The following DLGAP4 variants were observed in gnomAD, a reference collection of about 807,000 sequenced individuals.
DLGAP4 encodes DLG associated protein 4.
In DLGAP4, 18 loss-of-function variants were observed where a neutral mutation model predicts 86.9. The observed-to-expected ratio is 0.21, with a 90% confidence interval of 0.14 to 0.31. The LOEUF (loss-of-function observed/expected upper bound fraction) is 0.31, where lower values mean the gene tolerates loss of function less well. DLGAP4 is among the 10% of genes least tolerant of loss of function. DLGAP4 has a pLI of 1.00. For missense variants in DLGAP4, 1,085 were observed against 1,362.6 expected (o/e 0.80, Z 3.21); for synonymous variants, 548 against 574.3 (o/e 0.95, Z 0.65).
At chr20:36,389,344 C>T (rs528806473) in intron 2 of DLGAP4, among the ~76,000 whole-genome samples, 1 of 152,184 alleles carries the variant, frequency 6.6e-6, no homozygotes, top group Non-Finnish European at 1.5e-5. Context: ...CGAGTACCAG[C>T]TCTGGCTGTT....
chr20:36,363,741 A>G (rs1451875395), intron 1 of DLGAP4, among the ~76,000 whole-genome samples: 1 of 152,156 alleles, frequency 6.6e-6, no homozygotes, highest in Non-Finnish European at 1.5e-5. Flanking sequence ...GCTTGGCTGG[A>G]AGGTAATAGA....
At chr20:36,369,945 T>C (rs1030330851) in intron 2 of DLGAP4, among the ~76,000 whole-genome samples, 3 of 152,098 alleles carry the variant, frequency 2.0e-5, no homozygotes, top group Non-Finnish European at 4.4e-5. Context: ...CTTGGAGAGG[T>C]AAAACTACTT....
chr20:36,404,911 G>A (rs1057037264), intron 2 of DLGAP4, among the ~76,000 whole-genome samples: 1 of 152,228 alleles, frequency 6.6e-6, no homozygotes, highest in African/African-American at 2.4e-5. Context: ...AGAGCCTCCT[G>A]GAGGGAGGCA....
chr20:36,445,275 G>A (rs986577449), intron 6 of DLGAP4, among the ~76,000 whole-genome samples: 9 of 152,116 alleles, frequency 5.9e-5, no homozygotes, highest in African/African-American at 2.2e-4. Flanking sequence ...GGAGGCCGAG[G>A]CGGGCAGATC....
Position 36,525,983 on chromosome 20 carries a change from G to A in DLGAP4, c.2737G>A (p.Val913Met). 6.2e-7 allele frequency: 1 copy of A among 1,613,854 alleles called. No individual in the cohort carries two copies. The highest frequency in any genetic ancestry group is 8.5e-7 in the Non-Finnish European group (1 of 1,179,950). ...CCTCAAGGCCAACAGCTGGCAGCTG[G>A]TGGAGACCCCCGAGAAGAGGAAGGT... ...YHLKANSWQL[V>M]ETPEKRKEEK... The change falls in exon 12 of 13, where the codon GTG becomes ATG. Residue 913 changes from valine (V) to methionine (M), a missense_variant. This residue lies in a region of DLGAP4 where 1,082 missense variants were observed against 1,344.1 expected (regional missense o/e 0.81). Transcript: ENST00000339266.
intron 1 of DLGAP4, among the ~76,000 whole-genome samples, chr20:36,354,051 G>A (rs1192450829): frequency 1.3e-5 from 2 of 152,230 alleles, no homozygotes; most frequent in African/African-American, 4.8e-5. Flanking sequence ...GCCAGCAGGG[G>A]TCAGGTGGGG....
At chr20:36,459,210 C>T (rs1743566458) in intron 7 of DLGAP4, among the ~76,000 whole-genome samples, 1 of 152,056 alleles carries the variant, frequency 6.6e-6, no homozygotes, top group African/African-American at 2.4e-5. Context: ...GGGAAGGACC[C>T]AGTACTGGAG....
At chr20:36,317,257 TTCTTTCTTTCTTTCTTTCTTA>T (rs1300924883) in intron 1 of DLGAP4, among the ~76,000 whole-genome samples, 35 of 60,488 alleles carry the variant, frequency 5.8e-4, no homozygotes, top group Non-Finnish European at 8.5e-4. Context: ...CTTTCTTTCT[TTCTTTCTTTCTTTCTTTCTTA>T]TCTTTCTTTC....
chr20:36,462,387 G>GTA, intron 7 of DLGAP4: 1 of 1,284,212 alleles, frequency 7.8e-7, no homozygotes, highest in South Asian at 2.3e-5. Context: ...CGGTGGTCTC[G>GTA]CCACTCTGTG....
intron 2 of DLGAP4, among the ~76,000 whole-genome samples, chr20:36,404,489 T>C (rs1330883311): frequency 1.3e-5 from 2 of 152,214 alleles, no homozygotes; most frequent in Non-Finnish European, 2.9e-5. Context: ...AGATAAGCTG[T>C]GACTGGCACA....
At chr20:36,401,158 G>A in intron 2 of DLGAP4, among the ~76,000 whole-genome samples, 1 of 151,864 alleles carries the variant, frequency 6.6e-6, no homozygotes, top group South Asian at 2.1e-4. Flanking sequence ...ATCCTGGGCG[G>A]CAGAGGCTGC....
Position 36,500,585 on chromosome 20 carries a change from C to G in DLGAP4, c.2486C>G (p.Thr829Ser), listed in dbSNP as rs139607345. The part of the protein sequence containing the change: ...EGWCCQMDKE[T>S]KENNLSEEVL... Reference sequence around the variant, plus strand: ...TGGTGCTGCCAGATGGACAAGGAGACCAAAGAGAACAACCTCTCTGAAGAA... The same window carrying G: ...TGGTGCTGCCAGATGGACAAGGAGAGCAAAGAGAACAACCTCTCTGAAGAA... Residue 829 changes from threonine (T) to serine (S), a missense_variant, in exon 10 of 13, where the codon ACC (threonine) becomes AGC (serine). This residue lies in a region of DLGAP4 where 1,082 missense variants were observed against 1,344.1 expected (regional missense o/e 0.81). Transcript: ENST00000339266. The surrounding 1 kb of genome is among the most constrained non-coding windows in gnomAD (Gnocchi z 4.6). The G allele has an allele frequency of 2.1e-4, 312 of 1,508,880 alleles. No homozygotes were observed. Among genetic ancestry groups the G allele is most frequent in the Non-Finnish European group, 2.7e-4 (302 of 1,129,446 alleles). The allele number at this position is 1,508,880 out of a possible 1,614,324, so 93.5% of individuals were successfully genotyped here.
intron 8 of DLGAP4, chr20:36,499,171 T>G: frequency 1.4e-6 from 2 of 1,432,920 alleles, no homozygotes; most frequent in Non-Finnish European, 1.9e-6. Context: ...CGGCTGTGGC[T>G]TTGTGTGTGT....
rs771407679 is a variant in DLGAP4, at chr20:36,500,647, G to A, written c.2512+36G>A. 7.0e-7 allele frequency: 1 copy of A among 1,428,030 alleles called. No homozygotes were observed. The highest frequency in any genetic ancestry group is 1.7e-5 in the South Asian group (1 of 57,592). The allele number at this position is 1,428,030 out of a possible 1,614,324, so 88.5% of individuals were successfully genotyped here. On this transcript the variant is annotated intron_variant, in intron 10 of 12. Transcript: ENST00000339266. This position sits in a 1 kb window ranked among gnomAD's most constrained non-coding sequence, Gnocchi z 4.6. ...CATGGATGGTCCTTGGGCAAGGGTA[G>A]AAGGTGTTGGCAGCTGGTTTCAGCT...
intron 7 of DLGAP4, among the ~76,000 whole-genome samples, chr20:36,451,236 T>C (rs2033727810): frequency 6.6e-6 from 1 of 152,248 alleles, no homozygotes; most frequent in South Asian, 2.1e-4. Flanking sequence ...ATAATTGTTT[T>C]TGAGTCATGC....
intron 7 of DLGAP4, among the ~76,000 whole-genome samples, chr20:36,486,450 G>C (rs1431448538): frequency 1.3e-5 from 2 of 151,650 alleles, no homozygotes; most frequent in African/African-American, 4.8e-5. Flanking sequence ...GTTAGTTTCA[G>C]ACAGGGCATG....
intron 1 of DLGAP4, among the ~76,000 whole-genome samples, chr20:36,322,281 G>A (rs1555890614): frequency 6.6e-6 from 1 of 152,218 alleles, no homozygotes; most frequent in African/African-American, 2.4e-5. Flanking sequence ...AGATGGTGAG[G>A]CTGGAGTGTT....
intron 1 of DLGAP4, among the ~76,000 whole-genome samples, chr20:36,357,436 C>T (rs1271596343): frequency 2.6e-5 from 4 of 152,178 alleles, no homozygotes; most frequent in African/African-American, 9.6e-5. Flanking sequence ...CCTTGGGGCT[C>T]AAGAAGTGTT....
At chr20:36,405,276 C>T (rs1422000160) in intron 2 of DLGAP4, among the ~76,000 whole-genome samples, 1 of 152,164 alleles carries the variant, frequency 6.6e-6, no homozygotes, top group African/African-American at 2.4e-5. Context: ...TCTCTGTAAC[C>T]TTGGGCAAAT....
Sources: gnomAD v4.1 joint callset for allele counts (sites outside exome capture counted in the v4.1 genomes callset) on GRCh38, gnomAD v4.1.1 for gene constraint, gnomAD v4.1.1 regional missense constraint, Gnocchi (gnomAD v3.1) non-coding constraint, MANE v1.5 for transcripts, NCBI Gene and HGNC (gene_info 2026-07-23, HGNC 2026-07-21) for gene names.